LYPD6: variants seen among roughly 807,000 people sequenced by gnomAD.
LYPD6 encodes the protein LY6/PLAUR domain containing 6, also known as ly6/PLAUR domain-containing protein 6.
A neutral mutation model predicts 22.7 loss-of-function variants in LYPD6; 15 were observed. That is an observed-to-expected ratio of 0.66 (90% CI 0.44 to 1.02). The LOEUF is 1.02. Ranked by LOEUF, LYPD6 falls within the 50% of genes least tolerant of loss-of-function variation. The pLI is 0.00. For missense variants in LYPD6, 189 were observed against 208.4 expected, an observed-to-expected ratio of 0.91 and a Z score of 0.57; for synonymous variants, 72 against 77.5, an observed-to-expected ratio of 0.93 and a Z score of 0.37.
chr2:149,389,263 G>A (rs1236007345), intron 1 of LYPD6, among the ~76,000 whole-genome samples: 1 of 152,102 alleles, frequency 6.6e-6, no homozygotes, highest in Non-Finnish European at 1.5e-5. Flanking sequence ...GTAGATGCCC[G>A]AGAGAGTTGG....
chr2:149,450,649 A>T (rs998838863), intron 3 of LYPD6, among the ~76,000 whole-genome samples: 3 of 152,200 alleles, frequency 2.0e-5, no homozygotes, highest in African/African-American at 7.2e-5. Flanking sequence ...GTCACTGCTC[A>T]TTTCCAAATG....
the LYPD6 span, among the ~76,000 whole-genome samples, chr2:149,480,155 A>G: frequency 3.3e-5 from 5 of 151,960 alleles, no homozygotes; most frequent in African/African-American, 1.2e-4. Context: ...GATTACAGGC[A>G]TGCACCACCA....
intron 1 of LYPD6, among the ~76,000 whole-genome samples, chr2:149,427,327 G>C (rs1313015888): frequency 6.6e-6 from 1 of 152,124 alleles, no homozygotes; most frequent in Non-Finnish European, 1.5e-5. Context: ...ATGAAAAATG[G>C]CATTCTGAAA....
At chr2:149,396,027 T>C (rs1262852552) in intron 1 of LYPD6, among the ~76,000 whole-genome samples, 1 of 152,206 alleles carries the variant, frequency 6.6e-6, no homozygotes, top group Non-Finnish European at 1.5e-5. Context: ...ATTTAGAATT[T>C]TAACGAATAT....
At chr2:149,430,292 G>T (rs1683284675) in intron 1 of LYPD6, among the ~76,000 whole-genome samples, 1 of 152,082 alleles carries the variant, frequency 6.6e-6, no homozygotes, top group South Asian at 2.1e-4. Context: ...TAGAGATGGG[G>T]TTTTACCATG....
intron 1 of LYPD6, among the ~76,000 whole-genome samples, chr2:149,390,431 C>T (rs1291402685): frequency 6.6e-6 from 1 of 152,226 alleles, no homozygotes; most frequent in African/African-American, 2.4e-5. Context: ...CTGGCTTGTC[C>T]TGGATCCCTA....
chr2:149,337,240 GAT>G (rs901360238), intron 1 of LYPD6, among the ~76,000 whole-genome samples: 1 of 152,090 alleles, frequency 6.6e-6, no homozygotes, highest in African/African-American at 2.4e-5. Context: ...TGAATTGAAT[GAT>G]AGGATTAAAA....
chr2:149,402,429 T>C (rs1682580638), intron 1 of LYPD6, among the ~76,000 whole-genome samples: 1 of 152,198 alleles, frequency 6.6e-6, no homozygotes, highest in Non-Finnish European at 1.5e-5. Context: ...GATCAAATGG[T>C]AGATCTATTT....
chr2:149,438,373 A>T (rs1406003850), intron 2 of LYPD6, among the ~76,000 whole-genome samples: 1 of 152,164 alleles, frequency 6.6e-6, no homozygotes, highest in Non-Finnish European at 1.5e-5. Context: ...GTACCTGTGC[A>T]TTTTTGCATT....
rs1373908783 is a variant in LYPD6 at position 149,470,834 on chromosome 2, TA to T, written c.501del (p.Leu169SerfsTer30). 3.7e-6 allele frequency: 6 copies of T among 1,613,056 alleles called. No homozygotes were observed. In the African/African-American group the frequency reaches 6.7e-5, roughly 18 times the overall value. ...ATAGTGTCCTGCTTGTGGTTGTGGT[TA>T]GGGCTCATGTTATAGTGGCTCAGTG... ...SVIVSCLWLW[L>X]GLML On this transcript the variant is annotated frameshift_variant, in exon 5 of 5. Coordinates refer to ENST00000334166, the MANE Select transcript of LYPD6 (RefSeq NM_194317.5). LOFTEE classifies it high-confidence loss of function.
chr2:149,386,145 G>A (rs1573761028), intron 1 of LYPD6, among the ~76,000 whole-genome samples: 1 of 152,298 alleles, frequency 6.6e-6, no homozygotes, highest in East Asian at 1.9e-4. Context: ...ACCCCTTCTT[G>A]AAGAATGACG....
At chr2:149,407,439 T>G (rs1485240548) in intron 1 of LYPD6, among the ~76,000 whole-genome samples, 1 of 152,208 alleles carries the variant, frequency 6.6e-6, no homozygotes, top group Non-Finnish European at 1.5e-5. Context: ...TTTCTTTTTA[T>G]TCTTTTTTCT....
chr2:149,464,303 G>T, intron 3 of LYPD6: 1 of 316,272 alleles, frequency 3.2e-6, no homozygotes, highest in South Asian at 2.8e-5. Flanking sequence ...TATCACATTT[G>T]GATTGAGCCT....
rs1217004982 is a variant in LYPD6, at chr2:149,348,864, A to G, written c.-72+18142A>G. Among the ~76,000 whole-genome samples the G allele has an allele frequency of 7.2e-5, 11 of 152,168 alleles. No individual in the cohort carries two copies. The South Asian group carries it at 2.3e-3, about 32-fold the overall frequency. Reference sequence around the variant, plus strand: ...TGTAGCAGTCCAGGTGTTGGCTTAGATCTGGGTGGTTGCAGTGGAGATGCT... The same window carrying G: ...TGTAGCAGTCCAGGTGTTGGCTTAGGTCTGGGTGGTTGCAGTGGAGATGCT... On this transcript the variant is annotated intron_variant, in intron 1 of 4. Coordinates refer to ENST00000334166, the MANE Select transcript of LYPD6 (RefSeq NM_194317.5).
chr2:149,401,205 C>A (rs1002794216), intron 1 of LYPD6, among the ~76,000 whole-genome samples: 5 of 152,192 alleles, frequency 3.3e-5, no homozygotes, highest in African/African-American at 9.7e-5. Context: ...TACCACATGA[C>A]CATCAGTATG....
rs149848562 is a variant in LYPD6, at chr2:149,372,006, A to G, written c.-72+41284A>G. ...CAGGGGAGATGGCTCTTTGACCTTC[A>G]GGTGGCACAATAACTTATAGGAGAG... On this transcript the variant is annotated intron_variant, in intron 1 of 4. Transcript: ENST00000334166. 2.4e-3 allele frequency among the ~76,000 whole-genome samples: 360 copies of G among 152,278 alleles called. 1 individual carries two copies. The East Asian group carries it at 0.027, about 11-fold the overall frequency.
intron 1 of LYPD6, among the ~76,000 whole-genome samples, chr2:149,343,880 G>A (rs1681206310): frequency 6.6e-6 from 1 of 151,468 alleles, no homozygotes; most frequent in South Asian, 2.1e-4. Context: ...CTGGTTCTGT[G>A]GGATATTACA....
rs112270881 is a variant in LYPD6, at chr2:149,420,986, A to C, written c.-71-16652A>C. Among the ~76,000 whole-genome samples the C allele has an allele frequency of 5.8e-3, 883 of 152,262 alleles. 4 individuals are homozygous for C. Among genetic ancestry groups the C allele is most frequent in the African/African-American group, 0.019 (807 of 41,544 alleles). On this transcript the variant is annotated intron_variant, in intron 1 of 4. Transcript: ENST00000334166. ...AATCCCAGTGTCAAGGTCGCATCCC[A>C]TAGCAGTGAAATGGTAATGGGTGAG...
intron 1 of LYPD6, among the ~76,000 whole-genome samples, chr2:149,339,817 G>A (rs1325532939): frequency 2.0e-5 from 3 of 152,124 alleles, no homozygotes; most frequent in Admixed American, 6.5e-5. Flanking sequence ...AGGTTCAAAA[G>A]TGTTTAGGTG....
Sources: gnomAD v4.1 joint callset for allele counts (sites outside exome capture counted in the v4.1 genomes callset) on GRCh38, gnomAD v4.1.1 for gene constraint, MANE v1.5 for transcripts, NCBI Gene and HGNC (gene_info 2026-07-23, HGNC 2026-07-21) for gene names.